The following MCC variants were observed in gnomAD, a reference collection of about 807,000 sequenced individuals.
The protein encoded by MCC is MCC regulator of Wnt signaling pathway, also known as colorectal mutant cancer protein.
Under a neutral mutation model 116.2 loss-of-function variants are expected in MCC, and 90 were observed. The ratio of observed to expected loss-of-function variants is 0.77; its 90% CI spans 0.65 to 0.92. The LOEUF (loss-of-function observed/expected upper bound fraction) is 0.92. Among genes scored for constraint, MCC ranks in the 40% least tolerant of loss-of-function variants. MCC has a pLI of 0.00. For synonymous variants in MCC, 578 were observed against 510.5 expected, an observed-to-expected ratio of 1.13 and a Z score of -1.78; for missense variants, 1,516 against 1,312.2, an observed-to-expected ratio of 1.16 and a Z score of -2.40.
intron 3 of MCC, among the ~76,000 whole-genome samples, chr5:113,329,398 AC>A (rs1467417887): frequency 2.3e-4 from 35 of 152,162 alleles, no homozygotes; most frequent in Middle Eastern, 3.4e-3. Context: ...ACACACACAC[AC>A]ACAGAAACAT....
chr5:113,326,333 C>T (rs1171527339), intron 3 of MCC, among the ~76,000 whole-genome samples: 1 of 152,108 alleles, frequency 6.6e-6, no homozygotes, highest in Non-Finnish European at 1.5e-5. Context: ...TAACAAAATA[C>T]CTGAGACTGG....
At chr5:113,209,425 G>C (rs1473685379) in intron 3 of MCC, among the ~76,000 whole-genome samples, 1 of 152,122 alleles carries the variant, frequency 6.6e-6, no homozygotes, top group Non-Finnish European at 1.5e-5. Context: ...AATTCCACTG[G>C]GTTCCTCCAA....
At chr5:113,250,423 C>T (rs761674117) in intron 3 of MCC, among the ~76,000 whole-genome samples, 5 of 152,218 alleles carry the variant, frequency 3.3e-5, no homozygotes, top group African/African-American at 9.6e-5. Flanking sequence ...CGTAACATGA[C>T]GCAGGCAGAG....
At chr5:113,291,007 G>A (rs967089713) in intron 3 of MCC, among the ~76,000 whole-genome samples, 5 of 152,094 alleles carry the variant, frequency 3.3e-5, no homozygotes, top group Admixed American at 2.0e-4. Context: ...TCAAAAAAGC[G>A]TTCAGACTTG....
intron 3 of MCC, among the ~76,000 whole-genome samples, chr5:113,272,410 A>C (rs981388695): frequency 6.6e-6 from 1 of 152,212 alleles, no homozygotes; most frequent in African/African-American, 2.4e-5. Context: ...TCAGGTTGAT[A>C]GGCTCTCCTT....
chr5:113,075,148 T>A (rs1754337864), intron 11 of MCC, among the ~76,000 whole-genome samples: 1 of 152,204 alleles, frequency 6.6e-6, no homozygotes. Flanking sequence ...CTGGTGCCAC[T>A]GGCCCTGGGC....
In MCC at chr5:113,333,802, T is replaced by TATATATGTAC. The variant is rs1554076865; in HGVS notation, c.627+6716_627+6717insGTACATATAT. Reference sequence around the variant, plus strand: ...CTTCATATATATTTATATATATATGTATATATGTATATATGTACATATATG... The same window carrying TATATATGTAC: ...CTTCATATATATTTATATATATATGTATATATGTACATATATGTATATATGTACATATATG... On this transcript the variant is annotated intron_variant, in intron 3 of 18. Transcript: ENST00000408903. Among the ~76,000 whole-genome samples the TATATATGTAC allele has an allele frequency of 8.4e-4, 45 of 53,828 alleles. 1 individual carries two copies. The highest frequency in any genetic ancestry group is 3.5e-3 in the African/African-American group (32 of 9,054). The allele number at this position is 53,828 out of a possible 152,430, so 35.3% of individuals were successfully genotyped here.
intron 3 of MCC, among the ~76,000 whole-genome samples, chr5:113,261,736 C>A (rs528617681): frequency 7.6e-4 from 115 of 152,094 alleles, no homozygotes; most frequent in African/African-American, 2.6e-3. Context: ...GAAATGAAAC[C>A]CAGTCTTTTG....
At chr5:113,100,587 T>C (rs1334002396) in intron 8 of MCC, among the ~76,000 whole-genome samples, 2 of 144,488 alleles carry the variant, frequency 1.4e-5, no homozygotes, top group Admixed American at 7.3e-5. Flanking sequence ...TTCTCCTGCC[T>C]CAGCCTCTCA....
chr5:113,211,573 G>T (rs369732695), intron 3 of MCC, among the ~76,000 whole-genome samples: 11 of 152,324 alleles, frequency 7.2e-5, no homozygotes, highest in African/African-American at 2.6e-4. Context: ...CCTGCTCCAT[G>T]TTAACTTTTC....
chr5:113,098,738 C>T (rs780190552), intron 8 of MCC, among the ~76,000 whole-genome samples: 8 of 152,148 alleles, frequency 5.3e-5, no homozygotes, highest in African/African-American at 1.4e-4. Flanking sequence ...ATTACAGGCA[C>T]GGTTCAAGCA....
At chr5:113,138,289 G>T (rs1581139560) in intron 5 of MCC, among the ~76,000 whole-genome samples, 1 of 152,170 alleles carries the variant, frequency 6.6e-6, no homozygotes, top group Admixed American at 6.5e-5. Flanking sequence ...GGGATTATAG[G>T]CATGAGCCAC....
rs1481923160 is a variant in MCC, at chr5:113,438,622, GT to G, written c.170+49622del. ...AGGCATTCTACTCCATTGGGCCCAA[GT>G]TATGTACAAAATAATATTCAGTATA... is the stretch of plus-strand genomic sequence containing the variant. On this transcript the variant is annotated intron_variant, in intron 1 of 18. Transcript: ENST00000408903. 2.6e-4 allele frequency among the ~76,000 whole-genome samples: 40 copies of G among 152,248 alleles called. No homozygotes were observed. The East Asian group carries it at 7.7e-3, about 29-fold the overall frequency.
chr5:113,151,494 T>G, intron 3 of MCC, 72 bp from the exon 4 acceptor site: 2 of 765,454 alleles, frequency 2.6e-6, no homozygotes, highest in Non-Finnish European at 4.4e-6. Context: ...TTCCCGCAAC[T>G]AGTATAACCA....
At chr5:113,308,813 A>AAAAG (rs541989714) in intron 3 of MCC, among the ~76,000 whole-genome samples, 31 of 152,070 alleles carry the variant, frequency 2.0e-4, no homozygotes, top group South Asian at 1.9e-3. Context: ...CCTGCAAAAA[A>AAAAG]AAAGAAAGAA....
At chr5:113,218,333 G>C (rs1581266199) in intron 3 of MCC, among the ~76,000 whole-genome samples, 1 of 152,100 alleles carries the variant, frequency 6.6e-6, no homozygotes, top group South Asian at 2.1e-4. Context: ...TGGTATTTTT[G>C]TCACTGGGCT....
intron 3 of MCC, among the ~76,000 whole-genome samples, chr5:113,196,022 A>T (rs1487838387): frequency 6.6e-6 from 1 of 152,202 alleles, no homozygotes; most frequent in Non-Finnish European, 1.5e-5. Context: ...GACCTCATGC[A>T]TGAAACCCCA....
At chr5:113,116,438 A>G (rs140772995) in intron 6 of MCC, among the ~76,000 whole-genome samples, 306 of 152,310 alleles carry the variant, frequency 2.0e-3, no homozygotes, top group Middle Eastern at 3.4e-3. Context: ...AAGAAAAATT[A>G]TGTCATGAAT....
At chr5:113,469,694 T>G (rs1580417240) in intron 1 of MCC, among the ~76,000 whole-genome samples, 1 of 152,186 alleles carries the variant, frequency 6.6e-6, no homozygotes, top group Non-Finnish European at 1.5e-5. Context: ...AGATGTCTAT[T>G]AGGTCACTTG....
Sources: allele counts gnomAD v4.1 joint callset (sites outside exome capture counted in the v4.1 genomes callset), GRCh38; gene constraint gnomAD v4.1.1; transcripts MANE v1.5; gene names NCBI Gene and HGNC (gene_info 2026-07-23, HGNC 2026-07-21).